Variants in KCNC2 observed in about 807,000 individuals in gnomAD.
The protein encoded by KCNC2 is potassium voltage-gated channel subfamily C member 2, also known as voltage-gated potassium channel KCNC2.
In KCNC2, 21 loss-of-function variants were observed where a neutral mutation model predicts 44.5. The observed-to-expected ratio is 0.47, with a 90% confidence interval of 0.33 to 0.68. KCNC2 has a LOEUF of 0.68. Ranked by LOEUF, KCNC2 falls within the 30% of genes least tolerant of loss-of-function variation. The pLI is 0.01. For missense variants in KCNC2, 589 were observed against 826.2 expected (o/e 0.71, Z 3.52); for synonymous variants, 391 against 339.1 (o/e 1.15, Z -1.68).
chr12:75,164,397 A>G (rs541542890), intron 2 of KCNC2, among the ~76,000 whole-genome samples: 1 of 151,854 alleles, frequency 6.6e-6, no homozygotes, highest in East Asian at 1.9e-4. Context: ...GGATGTCACA[A>G]GTCAATTTGT....
intron 2 of KCNC2, among the ~76,000 whole-genome samples, chr12:75,089,822 T>C (rs985472188): frequency 4.6e-5 from 7 of 151,828 alleles, no homozygotes; most frequent in African/African-American, 1.7e-4. Context: ...TAGAATTCAG[T>C]TTCTGGGTTA....
chr12:75,157,210 A>G (rs977267932), intron 2 of KCNC2, among the ~76,000 whole-genome samples: 8 of 151,888 alleles, frequency 5.3e-5, no homozygotes, highest in African/African-American at 1.9e-4. Flanking sequence ...AAAGTAAATG[A>G]AATTCAGTGG....
intron 3 of KCNC2, among the ~76,000 whole-genome samples, chr12:75,050,109 G>A (rs1881006124): frequency 6.6e-6 from 1 of 151,842 alleles, no homozygotes; most frequent in African/African-American, 2.4e-5. Flanking sequence ...TGGCACAAAA[G>A]CAACAAACAG....
chr12:75,136,495 A>C (rs150762736), intron 2 of KCNC2, among the ~76,000 whole-genome samples: 148 of 152,178 alleles, frequency 9.7e-4, no homozygotes, highest in Non-Finnish European at 1.9e-3. Context: ...GAGAAATTAC[A>C]ACTGATACCA....
intron 2 of KCNC2, among the ~76,000 whole-genome samples, chr12:75,148,521 T>C (rs1890175265): frequency 6.6e-6 from 1 of 152,124 alleles, no homozygotes; most frequent in South Asian, 2.1e-4. Flanking sequence ...TATTTTCTTC[T>C]TATTTTAGTA....
At chr12:75,114,320 A>C (rs1355337873) in intron 2 of KCNC2, among the ~76,000 whole-genome samples, 1 of 152,206 alleles carries the variant, frequency 6.6e-6, no homozygotes, top group Non-Finnish European at 1.5e-5. Flanking sequence ...CGCTTCCTTC[A>C]TTTTGTACCC....
chr12:75,043,448 A>T, intron 4 of KCNC2: 1 of 1,334,698 alleles, frequency 7.5e-7, no homozygotes, highest in South Asian at 2.0e-5. Flanking sequence ...AGCCATCACA[A>T]ATTATTGTTA....
At chr12:75,172,118 C>G (rs1273454134) in intron 2 of KCNC2, among the ~76,000 whole-genome samples, 1 of 151,774 alleles carries the variant, frequency 6.6e-6, no homozygotes. Flanking sequence ...TTTCAGGCTT[C>G]CATCTACATA....
intron 2 of KCNC2, among the ~76,000 whole-genome samples, chr12:75,114,267 A>T (rs75421621): frequency 0.017 from 2,652 of 152,328 alleles, 70 homozygotes; most frequent in African/African-American, 0.06. Context: ...AACAAAAAAT[A>T]TCTAAAATTA....
intron 2 of KCNC2, among the ~76,000 whole-genome samples, chr12:75,057,883 A>T (rs1881915418): frequency 6.6e-6 from 1 of 151,840 alleles, no homozygotes; most frequent in Non-Finnish European, 1.5e-5. Context: ...TTATATCCTT[A>T]TCCAATGTAC....
At chr12:75,186,882 A>T (rs1042641882) in intron 2 of KCNC2, among the ~76,000 whole-genome samples, 1 of 152,198 alleles carries the variant, frequency 6.6e-6, no homozygotes, top group Admixed American at 6.5e-5. Context: ...TATTTCACCA[A>T]ATTGGTATCT....
intron 2 of KCNC2, among the ~76,000 whole-genome samples, chr12:75,094,893 G>T (rs1885793624): frequency 6.6e-6 from 1 of 151,722 alleles, no homozygotes; most frequent in Non-Finnish European, 1.5e-5. Context: ...TCACAATAAG[G>T]TAGAAAACAC....
rs2031968899 is a variant in KCNC2 at position 75,209,401 on chromosome 12, C to G, written c.-214G>C. 6.6e-6 allele frequency: 1 copy of G among 152,392 alleles called. No individual in the cohort carries two copies. The highest frequency in any genetic ancestry group is 1.5e-5 in the Non-Finnish European group (1 of 68,214). The allele number at this position is 152,392 out of a possible 1,614,324, so 9.4% of individuals were successfully genotyped here. A position where few individuals can be genotyped will look rare whatever the true frequency, so the allele number is the denominator to read the frequency against. Reference sequence around the variant, plus strand: ...GGTGGGGGAGAAAGCCCCCGCCGGCCGCCGGCCGCGCTCCCCGCCTTCATT... The same window carrying G: ...GGTGGGGGAGAAAGCCCCCGCCGGCGGCCGGCCGCGCTCCCCGCCTTCATT... On this transcript the variant is annotated 5_prime_UTR_variant, in exon 1 of 5. Transcript: ENST00000549446.
chr12:75,184,607 C>G (rs530413742), intron 2 of KCNC2, among the ~76,000 whole-genome samples: 18 of 152,232 alleles, frequency 1.2e-4, no homozygotes, highest in South Asian at 2.1e-4. Flanking sequence ...TAATTTCCCC[C>G]AGGTACTTTT....
chr12:75,044,756 G>A (rs1880293335), intron 4 of KCNC2: 1 of 151,870 alleles, frequency 6.6e-6, no homozygotes, highest in Admixed American at 6.6e-5. Context: ...TGCTTTCTTA[G>A]AAATTTTGTA....
chr12:75,081,528 C>A (rs944235210), intron 2 of KCNC2, among the ~76,000 whole-genome samples: 1 of 151,216 alleles, frequency 6.6e-6, no homozygotes, highest in Non-Finnish European at 1.5e-5. Context: ...TTTTGTTCTA[C>A]GGATTTACAG....
chr12:75,096,827 T>C (rs1021936537), intron 2 of KCNC2, among the ~76,000 whole-genome samples: 3 of 152,090 alleles, frequency 2.0e-5, no homozygotes, highest in African/African-American at 7.2e-5. Flanking sequence ...GTTTAGCCCA[T>C]AAATATTCTT....
intron 2 of KCNC2, among the ~76,000 whole-genome samples, chr12:75,101,606 C>G (rs1262554146): frequency 6.6e-6 from 1 of 151,998 alleles, no homozygotes; most frequent in East Asian, 1.9e-4. Context: ...CTTTTTCTTT[C>G]TAAGAGCTAA....
At chr12:75,194,906 A>T (rs867597573) in intron 2 of KCNC2, among the ~76,000 whole-genome samples, 2 of 152,156 alleles carry the variant, frequency 1.3e-5, no homozygotes, top group African/African-American at 4.8e-5. Flanking sequence ...TTCTGAAGTC[A>T]CCATCTTCCC....
Sources: allele counts gnomAD v4.1 joint callset (sites outside exome capture counted in the v4.1 genomes callset), GRCh38; gene constraint gnomAD v4.1.1; transcripts MANE v1.5; gene names NCBI Gene and HGNC (gene_info 2026-07-23, HGNC 2026-07-21).